The following RPH3A variants were observed in gnomAD, a reference collection of about 807,000 sequenced individuals.
RPH3A encodes the protein rabphilin-3A.
In RPH3A, 48 loss-of-function variants were observed where a neutral mutation model predicts 102.2. The ratio of observed to expected loss-of-function variants is 0.47; its 90% confidence interval spans 0.37 to 0.60. RPH3A has a LOEUF of 0.60. Among genes scored for constraint, RPH3A ranks in the 20% least tolerant of loss-of-function variants. The pLI, the probability that RPH3A is intolerant of heterozygous loss-of-function variation, is 0.00. For missense variants in RPH3A, 781 were observed against 910.1 expected (o/e 0.86, Z 1.83); for synonymous variants, 310 against 324.3 (o/e 0.96, Z 0.47).
chr12:112,735,543 G>C (rs562965439), intron 1 of RPH3A, among the ~76,000 whole-genome samples: 1 of 152,330 alleles, frequency 6.6e-6, no homozygotes, highest in Admixed American at 6.5e-5. Context: ...TTAAGATTTC[G>C]GAGGGAGGAC....
chr12:112,788,709 C>T (rs537415090), upstream of RPH3A, among the ~76,000 whole-genome samples: 2 of 152,168 alleles, frequency 1.3e-5, no homozygotes, highest in African/African-American at 2.4e-5. Context: ...TCATGAGAGG[C>T]CCTCCCAGAA....
At chr12:112,840,175 T>A (rs1043417683) in intron 4 of RPH3A, among the ~76,000 whole-genome samples, 1 of 152,164 alleles carries the variant, frequency 6.6e-6, no homozygotes, top group Non-Finnish European at 1.5e-5. Context: ...GCTTTTTTTC[T>A]TTCTAAATTT....
rs1429153754 is a variant in RPH3A, at chr12:112,898,581, T to G, written c.*1801T>G. ...CAGCTTCCTGGCTGCCATCTTTCCTTTTGACCTTATCTTTCCCCATTAGTC... is the reference window on the plus strand; with the variant it reads ...CAGCTTCCTGGCTGCCATCTTTCCTGTTGACCTTATCTTTCCCCATTAGTC... On this transcript the variant is annotated 3_prime_UTR_variant, in exon 22 of 22. Transcript: ENST00000389385. The G allele has an allele frequency of 6.6e-6, 1 of 152,372 alleles. No homozygotes were observed. The highest frequency in any genetic ancestry group is 1.5e-5 in the Non-Finnish European group (1 of 68,176). 9.4% of individuals were successfully genotyped at this position (152,372 alleles called of 1,614,324 possible).
intron 1 of RPH3A, among the ~76,000 whole-genome samples, chr12:112,672,748 C>T (rs781369091): frequency 1.3e-5 from 2 of 152,312 alleles, no homozygotes; most frequent in East Asian, 1.9e-4. Context: ...GATTACATCT[C>T]GGGCGACCAG....
chr12:112,837,369 G>A (rs1263639307), intron 4 of RPH3A, among the ~76,000 whole-genome samples: 3 of 152,208 alleles, frequency 2.0e-5, no homozygotes, highest in African/African-American at 7.2e-5. Flanking sequence ...AGATGAAGGT[G>A]TGAATTACAG....
At chr12:112,715,938 G>A (rs1049683685) in intron 1 of RPH3A, among the ~76,000 whole-genome samples, 4 of 152,208 alleles carry the variant, frequency 2.6e-5, no homozygotes, top group African/African-American at 9.7e-5. Flanking sequence ...CAGGAAAGGG[G>A]TGGGCAATTC....
intron 1 of RPH3A, among the ~76,000 whole-genome samples, chr12:112,781,536 C>A (rs1592995792): frequency 1.3e-5 from 2 of 152,198 alleles, no homozygotes; most frequent in South Asian, 4.2e-4. Context: ...GAATGGGGGG[C>A]CTGAATTTCT....
chr12:112,781,709 G>A (rs933332), intron 1 of RPH3A, among the ~76,000 whole-genome samples: 5,490 of 152,180 alleles, frequency 0.036, 135 homozygotes, highest in African/African-American at 0.058. Context: ...TCAATCATTC[G>A]TTCATTCATC....
At chr12:112,892,541 G>T (rs940446725) in intron 19 of RPH3A, among the ~76,000 whole-genome samples, 1 of 152,208 alleles carries the variant, frequency 6.6e-6, no homozygotes, top group Non-Finnish European at 1.5e-5. Context: ...TCCCAGAAAT[G>T]GGGCTGCCTA....
intron 4 of RPH3A, among the ~76,000 whole-genome samples, chr12:112,841,551 T>C (rs1490194009): frequency 6.6e-6 from 1 of 151,888 alleles, no homozygotes; most frequent in Non-Finnish European, 1.5e-5. Context: ...AACAAGAGAG[T>C]AAATGTAAAC....
At chr12:112,764,701 T>A (rs112806961) in intron 1 of RPH3A, among the ~76,000 whole-genome samples, 1,892 of 150,838 alleles carry the variant, frequency 0.013, 29 homozygotes, top group African/African-American at 0.044. Context: ...TATTATTATT[T>A]TTTTGCAATG....
rs2039668328 is a variant in RPH3A, at chr12:112,615,056, G to A, written c.-140+39737G>A. Among the ~76,000 whole-genome samples, 3 of 152,064 alleles carry A rather than the reference G, an allele frequency of 2.0e-5. No homozygotes were observed. The South Asian group carries it at 6.2e-4, about 32-fold the overall frequency. On this transcript the variant is annotated intron_variant, in intron 1 of 21. Coordinates refer to the RPH3A transcript ENST00000543106. ...TGAACTCATCCACATCCTCTATGTGGGGTTCTTATACTACTTTATACTGGG... is the reference window on the plus strand; with the variant it reads ...TGAACTCATCCACATCCTCTATGTGAGGTTCTTATACTACTTTATACTGGG...
chr12:112,661,504 C>A (rs910573801), intron 1 of RPH3A, among the ~76,000 whole-genome samples: 30 of 152,282 alleles, frequency 2.0e-4, no homozygotes, highest in African/African-American at 7.0e-4. Context: ...GGTAAATGTG[C>A]ACCTGGGATT....
chr12:112,666,272 T>G (rs1351028079), intron 1 of RPH3A, among the ~76,000 whole-genome samples: 1 of 152,228 alleles, frequency 6.6e-6, no homozygotes, highest in Non-Finnish European at 1.5e-5. Flanking sequence ...AGGGGCATTT[T>G]AGTCGTTCAG....
chr12:112,712,380 A>G (rs1485462600), intron 1 of RPH3A, among the ~76,000 whole-genome samples: 1 of 152,226 alleles, frequency 6.6e-6, no homozygotes, highest in East Asian at 1.9e-4. Context: ...AGGTCAAAAA[A>G]TGGTCCAACG....
chr12:112,624,091 C>T (rs2039752627), intron 1 of RPH3A, among the ~76,000 whole-genome samples: 3 of 145,522 alleles, frequency 2.1e-5, no homozygotes, highest in African/African-American at 7.8e-5. Context: ...GCACTAAATG[C>T]CCACAAGAGA....
chr12:112,770,729 C>T (rs1309196407), intron 1 of RPH3A, among the ~76,000 whole-genome samples: 1 of 152,076 alleles, frequency 6.6e-6, no homozygotes, highest in Non-Finnish European at 1.5e-5. Context: ...CCATGTGGCC[C>T]AGTCTTTGTT....
intron 1 of RPH3A, among the ~76,000 whole-genome samples, chr12:112,586,821 A>G (rs911991765): frequency 3.3e-5 from 5 of 152,202 alleles, no homozygotes; most frequent in Non-Finnish European, 7.3e-5. Context: ...GAATATGAGG[A>G]TTTGGACCTC....
rs577513589 is a variant in RPH3A, at chr12:112,869,876, C to A, written c.650-17C>A. 1.9e-6 allele frequency: 3 copies of A among 1,614,046 alleles called. No homozygotes were observed. In the South Asian group the frequency reaches 3.3e-5, roughly 18 times the overall value. On this transcript the variant is annotated splice_polypyrimidine_tract_variant and intron_variant, in intron 9 of 21. Coordinates refer to ENST00000389385, the MANE Select transcript of RPH3A (RefSeq NM_001143854.2). ...CTCGATGCCCTTTCTCTACTCAATTCATGCTCTTCTTTCCAGGCCCTGACC... is the reference window on the plus strand; with the variant it reads ...CTCGATGCCCTTTCTCTACTCAATTAATGCTCTTCTTTCCAGGCCCTGACC...
Sources: allele counts gnomAD v4.1 joint callset (sites outside exome capture counted in the v4.1 genomes callset), GRCh38; gene constraint gnomAD v4.1.1; transcripts MANE v1.5; gene names NCBI Gene and HGNC (gene_info 2026-07-23, HGNC 2026-07-21).